SEMA3A: variants seen among roughly 807,000 people sequenced by gnomAD.
SEMA3A encodes the protein semaphorin-3A.
Under a neutral mutation model 97.9 loss-of-function variants are expected in SEMA3A, and 29 were observed. The ratio of observed to expected loss-of-function variants is 0.30; its 90% CI spans 0.22 to 0.40. SEMA3A has a LOEUF of 0.40. Among genes scored for constraint, SEMA3A ranks in the 10% least tolerant of loss-of-function variants. SEMA3A has a pLI of 1.00. For synonymous variants in SEMA3A, 321 were observed against 323.7 expected (o/e 0.99, Z 0.09); for missense variants, 763 against 951.3 (o/e 0.80, Z 2.60).
intron 6 of SEMA3A, among the ~76,000 whole-genome samples, chr7:84,025,849 G>T (rs1006247156): frequency 6.6e-6 from 1 of 152,170 alleles, no homozygotes; most frequent in African/African-American, 2.4e-5. Context: ...CTAGTAACTG[G>T]CAGAGCCAGG....
intron 6 of SEMA3A, among the ~76,000 whole-genome samples, chr7:84,014,715 A>G (rs1791026262): frequency 1.3e-5 from 2 of 152,202 alleles, no homozygotes; most frequent in Non-Finnish European, 1.5e-5. Context: ...TCTTTTAAGC[A>G]TAAGAATTTA....
At chr7:84,310,783 G>A (rs1161180298) in intron 2 of SEMA3A, among the ~76,000 whole-genome samples, 1 of 151,948 alleles carries the variant, frequency 6.6e-6, no homozygotes, top group Non-Finnish European at 1.5e-5. Context: ...ATTTAAAGCT[G>A]TTATTAATAT....
intron 3 of SEMA3A, among the ~76,000 whole-genome samples, chr7:84,303,905 G>A (rs10237168): frequency 0.012 from 1,855 of 152,092 alleles, 38 homozygotes; most frequent in African/African-American, 0.042. Flanking sequence ...ATTATGTGTG[G>A]GTTTATCAGA....
At chr7:84,477,438 CAAAAAAAAAAAAAA>C (rs11335984) in intron 1 of SEMA3A, among the ~76,000 whole-genome samples, 1 of 42,376 alleles carries the variant, frequency 2.4e-5, no homozygotes, top group Admixed American at 2.4e-4. Flanking sequence ...GACTCTGTCT[CAAAAAAAAAAAAAA>C]AAAAAAAAAA....
intron 1 of SEMA3A, among the ~76,000 whole-genome samples, chr7:84,389,715 C>T (rs925397235): frequency 1.0e-4 from 15 of 150,674 alleles, no homozygotes; most frequent in African/African-American, 3.6e-4. Context: ...TAGGGAAAGA[C>T]ATTAATTACG....
intron 14 of SEMA3A, among the ~76,000 whole-genome samples, chr7:83,978,256 A>AACTT (rs1180018194): frequency 1.6e-4 from 24 of 152,176 alleles, no homozygotes; most frequent in Admixed American, 2.6e-4. Flanking sequence ...AGAATAAATG[A>AACTT]ACTTACATTT....
chr7:84,327,624 A>T (rs925935349), intron 2 of SEMA3A, among the ~76,000 whole-genome samples: 1 of 152,040 alleles, frequency 6.6e-6, no homozygotes, highest in Non-Finnish European at 1.5e-5. Context: ...TCTTTAAAAA[A>T]ATCTATAAAA....
chr7:84,456,509 T>C (rs1033536787), intron 1 of SEMA3A, among the ~76,000 whole-genome samples: 14 of 152,018 alleles, frequency 9.2e-5, no homozygotes, highest in Admixed American at 2.6e-4. Flanking sequence ...ATGATAATCA[T>C]TCTACCATGT....
rs182225247 is a variant in SEMA3A at position 84,112,949 on chromosome 7, C to A, written c.334-2360G>T. On this transcript the variant is annotated intron_variant, in intron 3 of 16. Transcript: ENST00000265362. ...CTGTCTGTGTTACAAAGCAACTAGACTCACCCTATTGGCCTAAGGCCTGGA... is the reference window on the plus strand; with the variant it reads ...CTGTCTGTGTTACAAAGCAACTAGAATCACCCTATTGGCCTAAGGCCTGGA... Among the ~76,000 whole-genome samples the A allele has an allele frequency of 7.2e-4, 110 of 152,290 alleles. 2 individuals are homozygous for A. In the East Asian group the frequency reaches 0.019, roughly 27 times the overall value.
At chr7:84,158,628 G>A (rs1277327267) in intron 1 of SEMA3A, among the ~76,000 whole-genome samples, 1 of 152,102 alleles carries the variant, frequency 6.6e-6, no homozygotes. Flanking sequence ...GATGATAAGT[G>A]TCATTTGGGT....
chr7:84,172,223 T>C (rs567697963), intron 1 of SEMA3A, among the ~76,000 whole-genome samples: 1 of 152,298 alleles, frequency 6.6e-6, no homozygotes, highest in Non-Finnish European at 1.5e-5. Context: ...CACATATATA[T>C]AATAAATATT....
At chr7:83,968,634 T>G (rs1357082649) in intron 15 of SEMA3A, among the ~76,000 whole-genome samples, 1 of 152,128 alleles carries the variant, frequency 6.6e-6, no homozygotes, top group Non-Finnish European at 1.5e-5. Flanking sequence ...TTGTTCTCTC[T>G]CAGTCTTCTT....
intron 3 of SEMA3A, among the ~76,000 whole-genome samples, chr7:84,223,143 G>C (rs1467910656): frequency 6.6e-6 from 1 of 151,852 alleles, no homozygotes; most frequent in Non-Finnish European, 1.5e-5. Flanking sequence ...GGCAAGGGAA[G>C]ATCTTTGATA....
At chr7:84,454,432 A>G (rs1402609285) in intron 1 of SEMA3A, among the ~76,000 whole-genome samples, 1 of 152,110 alleles carries the variant, frequency 6.6e-6, no homozygotes, top group African/African-American at 2.4e-5. Context: ...TGTATAGAGG[A>G]GCTGAGTAAC....
intron 1 of SEMA3A, among the ~76,000 whole-genome samples, chr7:84,406,715 G>A (rs951648421): frequency 1.3e-5 from 2 of 152,146 alleles, no homozygotes; most frequent in African/African-American, 4.8e-5. Context: ...GATCAAGTGG[G>A]CTTCATCCCT....
intron 1 of SEMA3A, among the ~76,000 whole-genome samples, chr7:84,174,822 A>C (rs1162548107): frequency 6.6e-6 from 1 of 152,142 alleles, no homozygotes; most frequent in Non-Finnish European, 1.5e-5. Context: ...TTTTCAGAAG[A>C]TTTTAGGTGT....
At chr7:84,049,049 A>G (rs1047302330) in intron 5 of SEMA3A, among the ~76,000 whole-genome samples, 1 of 152,122 alleles carries the variant, frequency 6.6e-6, no homozygotes, top group Non-Finnish European at 1.5e-5. Context: ...TCTTTTCACA[A>G]AAGGTAAGAA....
At chr7:84,256,076 A>G (rs1227375579) in intron 3 of SEMA3A, among the ~76,000 whole-genome samples, 1 of 152,066 alleles carries the variant, frequency 6.6e-6, no homozygotes, top group Non-Finnish European at 1.5e-5. Context: ...AAGTCTCTGT[A>G]TGTTTGATTG....
chr7:84,423,357 C>T (rs1158257074), intron 1 of SEMA3A, among the ~76,000 whole-genome samples: 1 of 152,014 alleles, frequency 6.6e-6, no homozygotes, highest in Non-Finnish European at 1.5e-5. Context: ...ATATCCTTGC[C>T]ATTTCTTAAA....
Sources: allele counts gnomAD v4.1 joint callset (sites outside exome capture counted in the v4.1 genomes callset), GRCh38; gene constraint gnomAD v4.1.1; transcripts MANE v1.5; gene names NCBI Gene and HGNC (gene_info 2026-07-23, HGNC 2026-07-21).